KIF5C: variants seen among roughly 807,000 people sequenced by gnomAD.
KIF5C encodes kinesin heavy chain isoform 5C.
KIF5C carries 18 observed loss-of-function variants against 125.2 expected under a neutral mutation model. The ratio of observed to expected loss-of-function variants is 0.14; its 90% CI spans 0.10 to 0.21. KIF5C has a LOEUF of 0.21. Among genes scored for constraint, KIF5C ranks in the 10% least tolerant of loss-of-function variants. The probability of loss-of-function intolerance (pLI) is 1.00; values close to 1 mark genes in which losing one functional copy is unlikely to be tolerated. For missense variants in KIF5C, 780 were observed against 1,183.8 expected (o/e 0.66, Z 5.01); for synonymous variants, 405 against 434.0 (o/e 0.93, Z 0.83).
Position 149,000,477 on chromosome 2 carries a change from G to A in KIF5C, c.2265G>A (p.Lys755=), listed in dbSNP as rs760234388. Residue 755 remains lysine (K), a synonymous_variant, in exon 20 of 26, where the codon AAG becomes AAA. Coordinates refer to ENST00000435030, the MANE Select transcript of KIF5C (RefSeq NM_004522.3). ...AGAAGCTTAGTTCTGATTATAACAA[G>A]CTGAAAATAGAGGACCAAGAGAGAG... is the stretch of plus-strand genomic sequence containing the variant. ...EQEKLSSDYN[K]LKIEDQEREM... is the part of the protein sequence containing the mutation. 40 of 1,582,202 alleles carry A rather than the reference G, an allele frequency of 2.5e-5. No individual in the cohort carries two copies. The South Asian group carries it at 4.6e-4, about 18-fold the overall frequency.
chr2:148,933,821 T>C (rs1682228959), intron 3 of KIF5C, among the ~76,000 whole-genome samples: 1 of 150,378 alleles, frequency 6.6e-6, no homozygotes, highest in African/African-American at 2.5e-5. Flanking sequence ...CACAGACATA[T>C]GCACACCAAA....
At chr2:148,942,573 T>C (rs973633383) in intron 6 of KIF5C, 100 bp from the exon 7 acceptor site, 32 of 1,521,470 alleles carry the variant, frequency 2.1e-5, no homozygotes, top group African/African-American at 8.3e-5. Flanking sequence ...TTTCTATTTA[T>C]CTGCACCTCT....
chr2:148,936,942 G>A (rs1372012385), intron 3 of KIF5C, among the ~76,000 whole-genome samples: 19 of 152,090 alleles, frequency 1.2e-4, no homozygotes, highest in Non-Finnish European at 1.0e-4. Context: ...ATATATTCTC[G>A]TTCCTTCTCC....
At chr2:149,020,723 G>A (rs1368362316) in intron 25 of KIF5C, among the ~76,000 whole-genome samples, 11 of 152,182 alleles carry the variant, frequency 7.2e-5, no homozygotes, top group South Asian at 2.1e-4. Flanking sequence ...GATAGCGTGC[G>A]TGGAGAAATG....
intron 1 of KIF5C, among the ~76,000 whole-genome samples, chr2:148,887,978 G>T (rs2105042958): frequency 6.6e-6 from 1 of 152,386 alleles, no homozygotes. Context: ...CGCAGCAAGG[G>T]CTGCGACCCC....
At chr2:148,965,162 A>G (rs1198196557) in intron 11 of KIF5C, among the ~76,000 whole-genome samples, 2 of 152,028 alleles carry the variant, frequency 1.3e-5, no homozygotes, top group Non-Finnish European at 2.9e-5. Flanking sequence ...GAGGGAGTTT[A>G]GGGTCCCCGT....
intron 10 of KIF5C, 54 bp from the exon 11 acceptor site, chr2:148,961,917 G>A (rs2105130650): frequency 6.4e-7 from 1 of 1,571,890 alleles, no homozygotes; most frequent in South Asian, 1.2e-5. Context: ...AATCATATTG[G>A]TTTAGCTAAT....
At chr2:148,945,514 A>G (rs1438144586) in intron 7 of KIF5C, among the ~76,000 whole-genome samples, 1 of 152,128 alleles carries the variant, frequency 6.6e-6, no homozygotes, top group Non-Finnish European at 1.5e-5. Context: ...CTTTATGTCA[A>G]TACCACACTG....
chr2:148,928,445 A>T (rs1345809085), intron 2 of KIF5C, among the ~76,000 whole-genome samples: 1 of 152,222 alleles, frequency 6.6e-6, no homozygotes, highest in African/African-American at 2.4e-5. Flanking sequence ...GCAGGAGAGA[A>T]ATGAGTGCTA....
chr2:149,006,059 G>A (rs1681996348), intron 22 of KIF5C, among the ~76,000 whole-genome samples: 1 of 152,208 alleles, frequency 6.6e-6, no homozygotes, highest in South Asian at 2.1e-4. Context: ...CTCTGGATCT[G>A]AGCTTCTTCC....
At chr2:148,988,996 A>G (rs1302509319) in intron 15 of KIF5C, among the ~76,000 whole-genome samples, 2 of 152,108 alleles carry the variant, frequency 1.3e-5, no homozygotes, top group Non-Finnish European at 2.9e-5. Flanking sequence ...TTTTTGGAGG[A>G]CAGGTGGTGT....
chr2:148,907,052 T>G (rs1393884249), intron 1 of KIF5C, among the ~76,000 whole-genome samples: 2 of 152,046 alleles, frequency 1.3e-5, no homozygotes, highest in Non-Finnish European at 2.9e-5. Flanking sequence ...AGAGCAAGAA[T>G]CCTGTCTCTA....
intron 10 of KIF5C, among the ~76,000 whole-genome samples, chr2:148,953,424 T>C (rs1682715448): frequency 6.6e-6 from 1 of 152,228 alleles, no homozygotes; most frequent in Admixed American, 6.5e-5. Context: ...TATTTAAGGA[T>C]GCTGAGCTAT....
chr2:148,995,173 A>C (rs977352271), intron 17 of KIF5C, among the ~76,000 whole-genome samples: 13 of 152,174 alleles, frequency 8.5e-5, no homozygotes. Context: ...GTCCAGGTTA[A>C]CTAAGGACTG....
intron 1 of KIF5C, among the ~76,000 whole-genome samples, chr2:148,912,471 G>A (rs1209597533): frequency 1.3e-5 from 2 of 152,336 alleles, no homozygotes; most frequent in African/African-American, 4.8e-5. Flanking sequence ...TGGAGTCAGG[G>A]TCTTGCTCTG....
At chr2:148,926,990 A>G (rs1476382846) in intron 2 of KIF5C, among the ~76,000 whole-genome samples, 1 of 152,144 alleles carries the variant, frequency 6.6e-6, no homozygotes, top group African/African-American at 2.4e-5. Context: ...TTTCTTACAA[A>G]AAAAGAAGGA....
At chr2:148,975,119 C>T (rs1035853430) in intron 12 of KIF5C, among the ~76,000 whole-genome samples, 10 of 152,136 alleles carry the variant, frequency 6.6e-5, no homozygotes, top group African/African-American at 1.2e-4. Flanking sequence ...CTGTAAGGCC[C>T]GCTGTTGGAG....
In KIF5C at chr2:148,875,263, G is replaced by A; in HGVS notation, c.-355G>A. 4.9e-6 allele frequency: 1 copy of A among 204,926 alleles called. No homozygotes were observed. The highest frequency in any genetic ancestry group is 9.7e-6 in the Non-Finnish European group (1 of 102,604). The allele number at this position is 204,926 out of a possible 1,614,324, so 12.7% of individuals were successfully genotyped here. A position where few individuals can be genotyped will look rare whatever the true frequency, so the allele number is the denominator to read the frequency against. On this transcript the variant is annotated 5_prime_UTR_variant, in exon 1 of 26. Coordinates refer to ENST00000435030, the MANE Select transcript of KIF5C (RefSeq NM_004522.3). ...GTGCTGATGCAGGATGGCTGAGCGC[G>A]CAGGAGCCCGGGAGGTCTGAGCCGG...
At position 148,920,564 on chromosome 2, in the gene KIF5C, A is replaced by G. The variant is rs566282846; in HGVS notation, c.127-1573A>G. 2.0e-5 allele frequency among the ~76,000 whole-genome samples: 3 copies of G among 152,334 alleles called. No individual in the cohort carries two copies. The East Asian group carries it at 5.8e-4, about 29-fold the overall frequency. ...TGGTTCTGCTGCTTTGCATCAAAACAAAATTTTATAGTAACTGAAAATTCC... is the reference window on the plus strand; with the variant it reads ...TGGTTCTGCTGCTTTGCATCAAAACGAAATTTTATAGTAACTGAAAATTCC... On this transcript the variant is annotated intron_variant, in intron 1 of 25. Transcript: ENST00000435030.
Sources: allele counts gnomAD v4.1 joint callset (sites outside exome capture counted in the v4.1 genomes callset), GRCh38; gene constraint gnomAD v4.1.1; transcripts MANE v1.5; gene names NCBI Gene and HGNC (gene_info 2026-07-23, HGNC 2026-07-21).